ADGRV1: variants seen among roughly 807,000 people sequenced by gnomAD.
ADGRV1 encodes adhesion G protein-coupled receptor V1, also known as G-protein coupled receptor 98.
A neutral mutation model predicts 596.2 loss-of-function variants in ADGRV1; 359 were observed. The ratio of observed to expected loss-of-function variants is 0.60; its 90% CI spans 0.55 to 0.66. The LOEUF (loss-of-function observed/expected upper bound fraction) is 0.66. Ranked by LOEUF, ADGRV1 falls within the 30% of genes least tolerant of loss-of-function variation. The pLI is 0.00. For missense variants in ADGRV1, 7,274 were observed against 7,575.6 expected (o/e 0.96, Z 1.48); for synonymous variants, 2,681 against 2,679.2 (o/e 1.00, Z -0.02).
intron 83 of ADGRV1, among the ~76,000 whole-genome samples, chr5:90,879,013 G>C (rs1769488652): frequency 6.6e-6 from 1 of 152,250 alleles, no homozygotes; most frequent in East Asian, 1.9e-4. Context: ...TAAGTGGAGA[G>C]TGGCTTGGGG....
At chr5:90,777,811 A>T (rs1758405490) in intron 61 of ADGRV1, 94 bp from the exon 62 acceptor site, 3 of 1,129,612 alleles carry the variant, frequency 2.7e-6, no homozygotes, top group African/African-American at 1.6e-5. Flanking sequence ...ATTGAAATGG[A>T]TGAAAATTGA....
chr5:90,776,406 G>A, intron 60 of ADGRV1, 47 bp from the exon 61 acceptor site: 1 of 1,564,186 alleles, frequency 6.4e-7, no homozygotes, highest in African/African-American at 1.4e-5. Context: ...TATACTAAGT[G>A]CTTATGTGCA....
At chr5:90,695,440 A>T (rs1477425762) in intron 33 of ADGRV1, among the ~76,000 whole-genome samples, 1 of 152,040 alleles carries the variant, frequency 6.6e-6, no homozygotes, top group African/African-American at 2.4e-5. Flanking sequence ...GAGATTATTG[A>T]TTACATCCTC....
intron 83 of ADGRV1, among the ~76,000 whole-genome samples, chr5:90,936,303 C>T (rs981792257): frequency 6.6e-6 from 1 of 152,110 alleles, no homozygotes; most frequent in Non-Finnish European, 1.5e-5. Flanking sequence ...CACACACACA[C>T]ATACATGCAC....
chr5:90,920,453 T>C (rs975989558), intron 83 of ADGRV1, among the ~76,000 whole-genome samples: 4 of 152,158 alleles, frequency 2.6e-5, no homozygotes, highest in African/African-American at 9.7e-5. Flanking sequence ...TAAAAAAAAA[T>C]TTCTCTTCAG....
intron 4 of ADGRV1, among the ~76,000 whole-genome samples, chr5:90,619,988 T>C (rs1763850959): frequency 6.6e-6 from 1 of 152,082 alleles, no homozygotes; most frequent in South Asian, 2.1e-4. Context: ...ATTTTCTTAA[T>C]CCAGTCTATC....
intron 87 of ADGRV1, among the ~76,000 whole-genome samples, chr5:91,144,521 G>C (rs549872253): frequency 6.6e-6 from 1 of 152,130 alleles, no homozygotes; most frequent in African/African-American, 2.4e-5. Flanking sequence ...GCCCAGGCTA[G>C]TCTCAAACTC....
chr5:91,153,533 C>A, intron 89 of ADGRV1, 135 bp downstream of exon 89: 1 of 476,628 alleles, frequency 2.1e-6, no homozygotes, highest in Non-Finnish European at 3.5e-6. Context: ...CATTCCTAAT[C>A]CCAGGAAAAC....
At chr5:90,728,402 T>C (rs1752077149) in intron 48 of ADGRV1, among the ~76,000 whole-genome samples, 1 of 152,236 alleles carries the variant, frequency 6.6e-6, no homozygotes, top group South Asian at 2.1e-4. Flanking sequence ...CATTTGATAC[T>C]GATTTCTTTT....
At chr5:91,111,104 T>C (rs905780225) in intron 87 of ADGRV1, among the ~76,000 whole-genome samples, 5 of 152,188 alleles carry the variant, frequency 3.3e-5, no homozygotes, top group Non-Finnish European at 7.4e-5. Flanking sequence ...AATAAGTGAT[T>C]GAAAGATAGC....
chr5:90,668,201 C>T (rs1324476337), intron 21 of ADGRV1, among the ~76,000 whole-genome samples: 1 of 151,760 alleles, frequency 6.6e-6, no homozygotes, highest in South Asian at 2.1e-4. Flanking sequence ...GGGCGCCCCT[C>T]CCCCAGCCTC....
At chr5:90,564,815 A>G (rs1755395334) in intron 1 of ADGRV1, among the ~76,000 whole-genome samples, 1 of 57,034 alleles carries the variant, frequency 1.8e-5, no homozygotes, top group Non-Finnish European at 3.5e-5. Context: ...TTTAGTAGAG[A>G]CGGGGTTTCA....
chr5:90,624,538 C>T (rs553304346), intron 5 of ADGRV1, among the ~76,000 whole-genome samples: 1 of 152,192 alleles, frequency 6.6e-6, no homozygotes, highest in East Asian at 1.9e-4. Flanking sequence ...AGCACCCCTC[C>T]CTGGCACTTG....
chr5:91,016,601 G>T (rs1783193114), intron 85 of ADGRV1, among the ~76,000 whole-genome samples: 1 of 151,952 alleles, frequency 6.6e-6, no homozygotes, highest in Admixed American at 6.6e-5. Flanking sequence ...CCTACCAAAG[G>T]TCAGATTGAT....
At chr5:90,562,121 T>C (rs1032348110) in intron 1 of ADGRV1, among the ~76,000 whole-genome samples, 4 of 152,218 alleles carry the variant, frequency 2.6e-5, no homozygotes, top group Non-Finnish European at 4.4e-5. Context: ...GAATTATTTA[T>C]TGAAACCATT....
chr5:90,884,147 G>C (rs893753519), intron 83 of ADGRV1, among the ~76,000 whole-genome samples: 3 of 152,188 alleles, frequency 2.0e-5, no homozygotes, highest in South Asian at 2.1e-4. Flanking sequence ...TTTGGGACCA[G>C]ATAATTTGTT....
intron 9 of ADGRV1, among the ~76,000 whole-genome samples, chr5:90,634,025 C>T (rs891986059): frequency 2.6e-5 from 4 of 152,098 alleles, no homozygotes; most frequent in Admixed American, 2.6e-4. Flanking sequence ...GTCATCATTT[C>T]AATATTATAA....
At chr5:91,034,850 A>G (rs1190223962) in intron 85 of ADGRV1, among the ~76,000 whole-genome samples, 1 of 152,150 alleles carries the variant, frequency 6.6e-6, no homozygotes, top group Non-Finnish European at 1.5e-5. Flanking sequence ...CAGTAGCATG[A>G]TCATAGCGCA....
Position 90,652,330 on chromosome 5 carries a change from T to G in ADGRV1, c.3417-16T>G, listed in dbSNP as rs766330639. On this transcript the variant is annotated splice_polypyrimidine_tract_variant and intron_variant, in intron 18 of 89. Transcript: ENST00000405460. ...AAGATTCACTACTTATAAATTTTCT[T>G]TAATTTATTTTGTAGGATTTTGAGG... 2.0e-6 allele frequency: 3 copies of G among 1,532,678 alleles called. No individual in the cohort carries two copies. In the East Asian group the frequency reaches 6.8e-5, roughly 35 times the overall value. The allele number at this position is 1,532,678 out of a possible 1,614,324, so 94.9% of individuals were successfully genotyped here.
Sources: allele counts gnomAD v4.1 joint callset (sites outside exome capture counted in the v4.1 genomes callset), GRCh38; gene constraint gnomAD v4.1.1; transcripts MANE v1.5; gene names NCBI Gene and HGNC (gene_info 2026-07-23, HGNC 2026-07-21).